Variants in DIPK1A observed in about 807,000 individuals in gnomAD.
DIPK1A encodes divergent protein kinase domain 1A.
In DIPK1A, 27 loss-of-function variants were observed where a neutral mutation model predicts 40.8. The observed-to-expected ratio is 0.66, with a 90% confidence interval of 0.49 to 0.91. The LOEUF (loss-of-function observed/expected upper bound fraction) is 0.91. DIPK1A is among the 40% of genes least tolerant of loss of function. The pLI is 0.00. For missense variants in DIPK1A, 412 were observed against 505.7 expected, an observed-to-expected ratio of 0.81 and a Z score of 1.78; for synonymous variants, 166 against 171.3, an observed-to-expected ratio of 0.97 and a Z score of 0.24.
intron 1 of DIPK1A, among the ~76,000 whole-genome samples, chr1:92,927,724 T>G (rs1332912214): frequency 1.3e-5 from 2 of 152,216 alleles, no homozygotes; most frequent in Non-Finnish European, 2.9e-5. Flanking sequence ...TATGTGGTCT[T>G]CTGTGACTGG....
intron 1 of DIPK1A, among the ~76,000 whole-genome samples, chr1:92,926,498 T>C (rs1367740952): frequency 2.0e-5 from 3 of 152,202 alleles, no homozygotes; most frequent in Non-Finnish European, 4.4e-5. Context: ...TTTTGGGTAT[T>C]GGGTTCTATA....
intron 4 of DIPK1A, chr1:92,834,992 A>G: frequency 6.3e-7 from 1 of 1,583,252 alleles, no homozygotes; most frequent in Non-Finnish European, 8.6e-7. Flanking sequence ...TTGTACATGG[A>G]TAAGATAGCT....
At chr1:92,916,108 G>C (rs1009546477) in intron 1 of DIPK1A, among the ~76,000 whole-genome samples, 1 of 152,016 alleles carries the variant, frequency 6.6e-6, no homozygotes, top group African/African-American at 2.4e-5. Flanking sequence ...TCAGAGGCTG[G>C]GGGAGGGAGC....
In DIPK1A at chr1:92,928,494, A is replaced by C. The variant is rs187221918; in HGVS notation, c.54+32882T>G. Among the ~76,000 whole-genome samples the C allele has an allele frequency of 3.3e-5, 5 of 152,350 alleles. No homozygotes were observed. The East Asian group carries it at 9.6e-4, about 29-fold the overall frequency. On this transcript the variant is annotated intron_variant, in intron 1 of 4. Transcript: ENST00000370310. ...TATTGATCTTTATTCATTTCTGAAGATATGAGTTACCAGTTAGTGTCATTT... is the reference window on the plus strand; with the variant it reads ...TATTGATCTTTATTCATTTCTGAAGCTATGAGTTACCAGTTAGTGTCATTT...
chr1:92,873,696 T>TA (rs951242146), intron 2 of DIPK1A, among the ~76,000 whole-genome samples: 3 of 152,150 alleles, frequency 2.0e-5, no homozygotes, highest in African/African-American at 7.2e-5. Context: ...TTTGAGGCTT[T>TA]AAAATATACT....
chr1:92,932,026 G>A, intron 1 of DIPK1A: 1 of 542,868 alleles, frequency 1.8e-6, no homozygotes, highest in Admixed American at 2.3e-5. Context: ...AAGAAAATTT[G>A]GGTTTGAAGA....
chr1:92,837,650 A>T (rs370085772), downstream of DIPK1A: 3 of 1,604,054 alleles, frequency 1.9e-6, no homozygotes, highest in Non-Finnish European at 2.6e-6. Context: ...CATTTACCTA[A>T]AAATGCCTAT....
At chr1:92,840,378 G>T (rs1687306767), downstream of DIPK1A, 2 of 600,370 alleles carry the variant, frequency 3.3e-6, no homozygotes, top group Admixed American at 2.9e-5. Flanking sequence ...TGAAAATTGG[G>T]AATTTGTTAG....
chr1:92,929,510 G>A (rs995378413), intron 1 of DIPK1A, among the ~76,000 whole-genome samples: 11 of 152,168 alleles, frequency 7.2e-5, no homozygotes, highest in African/African-American at 2.7e-4. Flanking sequence ...GTTTCTGGCT[G>A]TTCTACTAGT....
intron 1 of DIPK1A, among the ~76,000 whole-genome samples, chr1:92,889,109 A>T (rs922790919): frequency 1.1e-4 from 17 of 152,136 alleles, no homozygotes; most frequent in Non-Finnish European, 1.9e-4. Flanking sequence ...TGTTTCCCCT[A>T]GGCTTTTTAC....
chr1:92,845,946 G>T (rs1687587140), intron 4 of DIPK1A: 1 of 152,804 alleles, frequency 6.5e-6, no homozygotes, highest in Admixed American at 6.5e-5. Context: ...AATGAGCCGA[G>T]ATCATGCCAC....
At chr1:92,887,809 G>T (rs746655645) in intron 1 of DIPK1A, among the ~76,000 whole-genome samples, 2 of 152,128 alleles carry the variant, frequency 1.3e-5, no homozygotes, top group Admixed American at 6.5e-5. Context: ...ACATACAGAG[G>T]ATAAGCAAGG....
chr1:92,943,867 A>G (rs576717350), intron 1 of DIPK1A, among the ~76,000 whole-genome samples: 1 of 152,296 alleles, frequency 6.6e-6, no homozygotes, highest in East Asian at 1.9e-4. Flanking sequence ...ACCAACAATC[A>G]CCAAGCACAT....
At chr1:92,905,157 T>C (rs1649567225) in intron 1 of DIPK1A, among the ~76,000 whole-genome samples, 1 of 152,208 alleles carries the variant, frequency 6.6e-6, no homozygotes, top group Non-Finnish European at 1.5e-5. Flanking sequence ...TCCTTTCTTT[T>C]GGGTGTATAC....
chr1:92,953,915 T>TA (rs1557499887), intron 1 of DIPK1A, among the ~76,000 whole-genome samples: 2 of 151,904 alleles, frequency 1.3e-5, no homozygotes, highest in Middle Eastern at 3.4e-3. Context: ...GACCATAATT[T>TA]AAAAAAACAA....
intron 1 of DIPK1A, among the ~76,000 whole-genome samples, chr1:92,882,635 C>T (rs1250449457): frequency 6.6e-6 from 1 of 152,208 alleles, no homozygotes; most frequent in African/African-American, 2.4e-5. Flanking sequence ...CATGCTGATA[C>T]ATATAGCCAG....
At chr1:92,931,059 G>A (rs1650727352) in intron 1 of DIPK1A, 1 of 152,062 alleles carries the variant, frequency 6.6e-6, no homozygotes, top group African/African-American at 2.4e-5. Flanking sequence ...TTTGACAAAT[G>A]TTTGTTGAAT....
intron 4 of DIPK1A, chr1:92,836,272 A>T: frequency 6.2e-7 from 1 of 1,614,114 alleles, no homozygotes; most frequent in South Asian, 1.1e-5. Context: ...GAAAGCATTG[A>T]TGGTCAGCCA....
intron 1 of DIPK1A, among the ~76,000 whole-genome samples, chr1:92,929,876 G>T (rs557488999): frequency 1.3e-5 from 2 of 152,302 alleles, no homozygotes; most frequent in Admixed American, 6.5e-5. Context: ...GTTGTCACAA[G>T]ATGGAACCAG....
Sources: allele counts gnomAD v4.1 joint callset (sites outside exome capture counted in the v4.1 genomes callset), GRCh38; gene constraint gnomAD v4.1.1; transcripts MANE v1.5; gene names NCBI Gene and HGNC (gene_info 2026-07-23, HGNC 2026-07-21).